The following SHISA9 variants were observed in gnomAD, a reference collection of about 807,000 sequenced individuals.
The protein encoded by SHISA9 is protein shisa-9.
Under a neutral mutation model 38.0 loss-of-function variants are expected in SHISA9, and 13 were observed. The observed-to-expected ratio is 0.34, with a 90% CI of 0.22 to 0.54. SHISA9 has a LOEUF of 0.54. SHISA9 is among the 20% of genes least tolerant of loss of function. The pLI is 0.91. For missense variants in SHISA9, 538 were observed against 575.8 expected, an observed-to-expected ratio of 0.93 and a Z score of 0.67; for synonymous variants, 275 against 242.0, an observed-to-expected ratio of 1.14 and a Z score of -1.27.
At chr16:13,373,347 C>G in the SHISA9 span, among the ~76,000 whole-genome samples, 1 of 152,148 alleles carries the variant, frequency 6.6e-6, no homozygotes, top group Non-Finnish European at 1.5e-5. Flanking sequence ...AAAAAACAAA[C>G]TAGTGTTCTT....
At chr16:13,424,541 A>T in the SHISA9 span, among the ~76,000 whole-genome samples, 2 of 152,254 alleles carry the variant, frequency 1.3e-5, no homozygotes, top group African/African-American at 4.8e-5. Context: ...AAATGAAATC[A>T]TGCGAAACTG....
intron 2 of SHISA9, among the ~76,000 whole-genome samples, chr16:13,158,645 G>A (rs1278639796): frequency 1.3e-5 from 2 of 152,174 alleles, no homozygotes; most frequent in African/African-American, 2.4e-5. Flanking sequence ...CCACAAGGGA[G>A]GCTGGGAAAG....
chr16:13,364,139 C>G, the SHISA9 span, among the ~76,000 whole-genome samples: 1 of 152,222 alleles, frequency 6.6e-6, no homozygotes, highest in Non-Finnish European at 1.5e-5. Flanking sequence ...ATGTATGTGT[C>G]ATCTTTATTG....
At chr16:13,448,120 A>G in the SHISA9 span, among the ~76,000 whole-genome samples, 1 of 152,174 alleles carries the variant, frequency 6.6e-6, no homozygotes, top group African/African-American at 2.4e-5. Context: ...ACACCATCGG[A>G]CTTACTGCTT....
At chr16:13,136,455 A>G (rs1453071109) in intron 2 of SHISA9, among the ~76,000 whole-genome samples, 1 of 139,158 alleles carries the variant, frequency 7.2e-6, no homozygotes, top group African/African-American at 2.8e-5. Flanking sequence ...CTGGAATGCA[A>G]TGGTGTAATC....
chr16:13,255,751 C>A, the SHISA9 span, among the ~76,000 whole-genome samples: 1 of 152,136 alleles, frequency 6.6e-6, no homozygotes, highest in African/African-American at 2.4e-5. Context: ...TGAGCACCTG[C>A]TATATGTGGT....
At chr16:12,951,053 C>T (rs1047760674) in intron 2 of SHISA9, among the ~76,000 whole-genome samples, 5 of 150,274 alleles carry the variant, frequency 3.3e-5, no homozygotes, top group Non-Finnish European at 7.4e-5. Flanking sequence ...GAAACCCCAT[C>T]TCTACTAAAA....
the SHISA9 span, among the ~76,000 whole-genome samples, chr16:13,557,100 C>T: frequency 6.6e-6 from 1 of 152,086 alleles, no homozygotes; most frequent in Non-Finnish European, 1.5e-5. Flanking sequence ...AGTAAGTGTT[C>T]AATAAATATT....
the SHISA9 span, among the ~76,000 whole-genome samples, chr16:13,353,945 T>C: frequency 6.6e-6 from 1 of 151,916 alleles, no homozygotes; most frequent in South Asian, 2.1e-4. Flanking sequence ...AACTGAGGAA[T>C]TATGTCTGAC....
the SHISA9 span, among the ~76,000 whole-genome samples, chr16:13,369,485 T>A: frequency 6.6e-6 from 1 of 151,964 alleles, no homozygotes. Context: ...TCCTGGAAAG[T>A]TAGGTTTATA....
intron 2 of SHISA9, among the ~76,000 whole-genome samples, chr16:13,111,384 CT>C (rs2073976880): frequency 6.6e-6 from 1 of 151,400 alleles, no homozygotes; most frequent in Non-Finnish European, 1.5e-5. Flanking sequence ...AACAGCTTCC[CT>C]TATTTCTTAA....
At chr16:13,520,460 G>A in the SHISA9 span, among the ~76,000 whole-genome samples, 34 of 151,684 alleles carry the variant, frequency 2.2e-4, no homozygotes, top group Middle Eastern at 3.4e-3. Flanking sequence ...AAAATTAGCC[G>A]GTCATGGTGG....
the SHISA9 span, among the ~76,000 whole-genome samples, chr16:13,506,235 C>T: frequency 6.6e-6 from 1 of 152,098 alleles, no homozygotes; most frequent in Non-Finnish European, 1.5e-5. Flanking sequence ...GGCATTTACT[C>T]GACAACTATA....
intron 2 of SHISA9, among the ~76,000 whole-genome samples, chr16:12,977,996 A>C (rs1184160183): frequency 6.6e-6 from 1 of 152,128 alleles, no homozygotes; most frequent in African/African-American, 2.4e-5. Flanking sequence ...AAAAGAAAGC[A>C]TAAGAAAAAA....
At chr16:12,946,886 G>T (rs954740507) in intron 2 of SHISA9, among the ~76,000 whole-genome samples, 3 of 152,238 alleles carry the variant, frequency 2.0e-5, no homozygotes, top group African/African-American at 4.8e-5. Flanking sequence ...CCCTGTTATT[G>T]TAAATTAAGT....
intron 2 of SHISA9, among the ~76,000 whole-genome samples, chr16:13,045,922 A>G (rs1317409749): frequency 6.6e-6 from 1 of 152,216 alleles, no homozygotes; most frequent in East Asian, 1.9e-4. Flanking sequence ...CCTTTTGACG[A>G]GTCTGCAGAG....
At chr16:13,022,094 C>T (rs1389442118) in intron 2 of SHISA9, among the ~76,000 whole-genome samples, 1 of 152,112 alleles carries the variant, frequency 6.6e-6, no homozygotes, top group African/African-American at 2.4e-5. Context: ...CATTTCCTGC[C>T]TCTGTCTCCA....
chr16:13,159,715 A>G (rs978651245), intron 2 of SHISA9, among the ~76,000 whole-genome samples: 1 of 152,218 alleles, frequency 6.6e-6, no homozygotes, highest in Non-Finnish European at 1.5e-5. Context: ...TTAGAGGAGA[A>G]CACAGACTCA....
chr16:13,296,768 G>A, the SHISA9 span, among the ~76,000 whole-genome samples: 2 of 151,718 alleles, frequency 1.3e-5, no homozygotes, highest in Non-Finnish European at 2.9e-5. Context: ...GTGGGTGCCT[G>A]TAATCCCAGC....
Sources: allele counts gnomAD v4.1 joint callset (sites outside exome capture counted in the v4.1 genomes callset), GRCh38; gene constraint gnomAD v4.1.1; transcripts MANE v1.5; gene names NCBI Gene and HGNC (gene_info 2026-07-23, HGNC 2026-07-21).